The following SEPTIN11 variants were observed in gnomAD, a reference collection of about 807,000 sequenced individuals.
The protein encoded by SEPTIN11 is septin-11.
SEPTIN11 carries 25 observed loss-of-function variants against 51.4 expected under a neutral mutation model. That is an observed-to-expected ratio of 0.49 (90% confidence interval 0.35 to 0.68). SEPTIN11 has a LOEUF of 0.68. Ranked by LOEUF, SEPTIN11 falls within the 30% of genes least tolerant of loss-of-function variation. The pLI, the probability that SEPTIN11 is intolerant of heterozygous loss-of-function variation, is 0.00. For synonymous variants in SEPTIN11, 174 were observed against 184.1 expected, an observed-to-expected ratio of 0.95 and a Z score of 0.44; for missense variants, 381 against 520.8, an observed-to-expected ratio of 0.73 and a Z score of 2.61.
intron 3 of SEPTIN11, among the ~76,000 whole-genome samples, chr4:77,008,918 G>T (rs1050471148): frequency 6.6e-6 from 1 of 152,220 alleles, no homozygotes; most frequent in Non-Finnish European, 1.5e-5. Flanking sequence ...TTGGGATTAA[G>T]CTTCCTATCT....
Position 77,036,427 on chromosome 4 carries a change from C to CG in SEPTIN11, c.*1916dup, listed in dbSNP as rs1447962200. ...TGTGTTGTATGCTTGTTCCAACCACCGCTTGTGTGAGCATTTTTGTGGCTT... is the reference window on the plus strand; with the variant it reads ...TGTGTTGTATGCTTGTTCCAACCACCGGCTTGTGTGAGCATTTTTGTGGCTT... On this transcript the variant is annotated 3_prime_UTR_variant, in exon 10 of 10. Coordinates refer to ENST00000264893, the MANE Select transcript of SEPTIN11 (RefSeq NM_018243.4). 6.0e-6 allele frequency: 7 copies of CG among 1,170,336 alleles called. No homozygotes were observed. The highest frequency in any genetic ancestry group is 7.4e-6 in the Non-Finnish European group (7 of 942,830). 72.5% of individuals were successfully genotyped at this position (1,170,336 alleles called of 1,614,324 possible).
At chr4:76,995,155 G>A (rs1214313648) in intron 1 of SEPTIN11, among the ~76,000 whole-genome samples, 2 of 149,972 alleles carry the variant, frequency 1.3e-5, no homozygotes, top group Non-Finnish European at 3.0e-5. Flanking sequence ...AGGCCGACGC[G>A]GGCAGATCAC....
At chr4:76,992,952 T>C (rs1723463918) in intron 1 of SEPTIN11, among the ~76,000 whole-genome samples, 1 of 152,104 alleles carries the variant, frequency 6.6e-6, no homozygotes, top group South Asian at 2.1e-4. Context: ...TCAGTAGGAA[T>C]GGAGACTTGA....
At chr4:76,960,625 A>G (rs1224104342) in intron 1 of SEPTIN11, among the ~76,000 whole-genome samples, 2 of 152,214 alleles carry the variant, frequency 1.3e-5, no homozygotes, top group South Asian at 2.1e-4. Flanking sequence ...GGAGATTTAT[A>G]TAGGGATATT....
chr4:77,036,682 C>CT lies in SEPTIN11; in HGVS notation c.*2176dup. 6.6e-7 allele frequency: 1 copy of CT among 1,518,638 alleles called. No individual in the cohort carries two copies. The highest frequency in any genetic ancestry group is 8.8e-7 in the Non-Finnish European group (1 of 1,141,840). 94.1% of individuals were successfully genotyped at this position (1,518,638 alleles called of 1,614,324 possible). A position where few individuals can be genotyped will look rare whatever the true frequency, so the allele number is the denominator to read the frequency against. Reference sequence around the variant, plus strand: ...TTTTAAAAAATGTATTGCTTCTGAACTTTTTTCTGCCACTGCTCCCTAGCC... The same window carrying CT: ...TTTTAAAAAATGTATTGCTTCTGAACTTTTTTTCTGCCACTGCTCCCTAGCC... On this transcript the variant is annotated 3_prime_UTR_variant, in exon 10 of 10. Coordinates refer to ENST00000264893, the MANE Select transcript of SEPTIN11 (RefSeq NM_018243.4).
chr4:76,955,131 A>G (rs1451365069), intron 1 of SEPTIN11, among the ~76,000 whole-genome samples: 1 of 152,082 alleles, frequency 6.6e-6, no homozygotes, highest in African/African-American at 2.4e-5. Context: ...AATAATGTGG[A>G]TAGGTTAGAG....
In SEPTIN11 at chr4:76,966,203, A is replaced by G. The variant is rs190231140; in HGVS notation, c.27+16273A>G. 1.2e-3 allele frequency among the ~76,000 whole-genome samples: 188 copies of G among 152,348 alleles called. 1 individual carries two copies. In the Middle Eastern group the frequency reaches 0.014, roughly 11 times the overall value. On this transcript the variant is annotated intron_variant, in intron 1 of 9. Transcript: ENST00000264893. ...TAGTTGGATGGCGCCCTACATTTTAATGTTACCACAACTCAAGATTTATGC... is the reference window on the plus strand; with the variant it reads ...TAGTTGGATGGCGCCCTACATTTTAGTGTTACCACAACTCAAGATTTATGC...
chr4:77,036,259 A>G lies in SEPTIN11; in HGVS notation c.*1747A>G. The G allele has an allele frequency of 9.8e-7, 1 of 1,017,046 alleles. No individual in the cohort carries two copies. Among genetic ancestry groups the G allele is most frequent in the South Asian group, 3.8e-5 (1 of 26,130 alleles). 63.0% of individuals were successfully genotyped at this position (1,017,046 alleles called of 1,614,324 possible). On this transcript the variant is annotated 3_prime_UTR_variant, in exon 10 of 10. Transcript: ENST00000264893. The stretch of plus-strand genomic sequence containing the variant: ...CACAGGTTTAGGAGCTACTGGACCA[A>G]CATTCTTGTTTTTGCTTTTGTTTTT...
intron 8 of SEPTIN11, 108 bp from the exon 9 acceptor site, chr4:77,030,675 G>A (rs903582280): frequency 1.5e-5 from 15 of 1,010,666 alleles, no homozygotes; most frequent in Non-Finnish European, 1.8e-5. Flanking sequence ...AATTACAGGC[G>A]TGAGCCACCG....
intron 1 of SEPTIN11, among the ~76,000 whole-genome samples, chr4:76,975,173 G>T (rs1376260063): frequency 6.6e-6 from 1 of 151,752 alleles, no homozygotes; most frequent in Non-Finnish European, 1.5e-5. Context: ...CTTTTAAAAG[G>T]CTTATTGAAC....
intron 1 of SEPTIN11, among the ~76,000 whole-genome samples, chr4:76,965,782 G>A (rs1722012309): frequency 6.6e-6 from 1 of 152,158 alleles, no homozygotes; most frequent in Non-Finnish European, 1.5e-5. Context: ...TCTCATGACA[G>A]AGTGCAGAAT....
intron 1 of SEPTIN11, among the ~76,000 whole-genome samples, chr4:76,960,545 A>G (rs1283939436): frequency 6.6e-6 from 1 of 152,194 alleles, no homozygotes; most frequent in Non-Finnish European, 1.5e-5. Context: ...GAAGAGGACC[A>G]AGTCTAAACT....
At chr4:77,025,509 C>T (rs1350345871) in intron 7 of SEPTIN11, among the ~76,000 whole-genome samples, 1 of 151,620 alleles carries the variant, frequency 6.6e-6, no homozygotes, top group Non-Finnish European at 1.5e-5. Flanking sequence ...CCTGCTCCTG[C>T]ACTCCAGCCT....
In SEPTIN11 at chr4:76,980,399, G is replaced by A. The variant is rs184472570; in HGVS notation, c.28-16026G>A. Among the ~76,000 whole-genome samples the A allele has an allele frequency of 2.3e-3, 353 of 152,216 alleles. 1 individual carries two copies. The highest frequency in any genetic ancestry group is 4.3e-3 in the Non-Finnish European group (292 of 68,016). The stretch of plus-strand genomic sequence containing the variant: ...ACTGTCTTCTGAATTATTAATATCC[G>A]GGCTAAAGGGTGGATAGGAAGTGGA... On this transcript the variant is annotated intron_variant, in intron 1 of 9. Coordinates refer to ENST00000264893, the MANE Select transcript of SEPTIN11 (RefSeq NM_018243.4).
rs189264032 is a variant in SEPTIN11 at position 76,954,967 on chromosome 4, T to A, written c.27+5037T>A. Among the ~76,000 whole-genome samples the A allele has an allele frequency of 3.8e-3, 378 of 98,860 alleles. 1 individual carries two copies. Among genetic ancestry groups the A allele is most frequent in the Non-Finnish European group, 3.6e-3 (189 of 51,888 alleles). 64.9% of individuals were successfully genotyped at this position (98,860 alleles called of 152,430 possible). A position where few individuals can be genotyped will look rare whatever the true frequency, so the allele number is the denominator to read the frequency against. ...TGTTCTTGTCTGTGTGTGATTTCTT[T>A]TTTATTTATTTATTTATTTTTTTTT... On this transcript the variant is annotated intron_variant, in intron 1 of 9. Transcript: ENST00000264893.
chr4:77,036,912 A>ATT lies in SEPTIN11; in HGVS notation c.*2409_*2410dup. ...TAGAGAAAGCAAATGGGATGGATAG[A>ATT]TTTTTTTTTTCTTTTCAAGGGGGGC... On this transcript the variant is annotated 3_prime_UTR_variant, in exon 10 of 10. Coordinates refer to ENST00000264893, the MANE Select transcript of SEPTIN11 (RefSeq NM_018243.4). 1.5e-6 allele frequency: 2 copies of ATT among 1,299,830 alleles called. No individual in the cohort carries two copies. Among genetic ancestry groups the ATT allele is most frequent in the South Asian group, 2.2e-5 (1 of 46,308 alleles). The allele number at this position is 1,299,830 out of a possible 1,614,324, so 80.5% of individuals were successfully genotyped here.
intron 1 of SEPTIN11, among the ~76,000 whole-genome samples, chr4:76,968,331 A>C (rs1722111592): frequency 6.6e-6 from 1 of 152,146 alleles, no homozygotes; most frequent in Admixed American, 6.5e-5. Context: ...TGAGGCTTAA[A>C]TTTCCCATTA....
chr4:76,960,516 G>T (rs954539182), intron 1 of SEPTIN11, among the ~76,000 whole-genome samples: 5 of 152,112 alleles, frequency 3.3e-5, no homozygotes, highest in African/African-American at 4.8e-5. Context: ...CTGCTCCAAA[G>T]CTGACATTTA....
Position 77,035,540 on chromosome 4 carries a change from A to G in SEPTIN11, c.*1028A>G. 1.0e-6 allele frequency: 1 copy of G among 985,454 alleles called. No homozygotes were observed. The highest frequency in any genetic ancestry group is 1.2e-6 in the Non-Finnish European group (1 of 829,942). The allele number at this position is 985,454 out of a possible 1,614,324, so 61.0% of individuals were successfully genotyped here. A position where few individuals can be genotyped will look rare whatever the true frequency, so the allele number is the denominator to read the frequency against. On this transcript the variant is annotated 3_prime_UTR_variant, in exon 10 of 10. Transcript: ENST00000264893. The stretch of plus-strand genomic sequence containing the variant: ...ATTTGAGCGAGGCCTTGTCAATTTT[A>G]AGGTGGAAATAGGAAGGACCACAAC...
Sources: gnomAD v4.1 joint callset for allele counts (sites outside exome capture counted in the v4.1 genomes callset) on GRCh38, gnomAD v4.1.1 for gene constraint, MANE v1.5 for transcripts, NCBI Gene and HGNC (gene_info 2026-07-23, HGNC 2026-07-21) for gene names.